Variants in NSD1 observed in about 807,000 individuals in gnomAD.
The protein encoded by NSD1 is histone-lysine N-methyltransferase, H3 lysine-36 specific.
NSD1 carries 26 observed loss-of-function variants against 242.7 expected under a neutral mutation model. That is an observed-to-expected ratio of 0.11 (90% confidence interval 0.08 to 0.15). The LOEUF (loss-of-function observed/expected upper bound fraction) is 0.15. Ranked by LOEUF, NSD1 falls within the 10% of genes least tolerant of loss-of-function variation. NSD1 has a pLI of 1.00. For synonymous variants in NSD1, 1,106 were observed against 1,178.1 expected (o/e 0.94, Z 1.25); for missense variants, 2,495 against 3,272.8 (o/e 0.76, Z 5.80).
intron 15 of NSD1, among the ~76,000 whole-genome samples, chr5:177,268,636 T>G (rs751761562): frequency 6.6e-6 from 1 of 152,168 alleles, no homozygotes; most frequent in Non-Finnish European, 1.5e-5. Context: ...ATGCCCTGAT[T>G]CCATTCTCTC....
At position 177,288,867 on chromosome 5, in the gene NSD1, A is replaced by T. The variant is rs1759549616; in HGVS notation, c.6200A>T (p.Lys2067Met). ...AACCTAGAATGTCTTGGGAATGGAA[A>T]GACTGTTTGCAAATGTGGAGCCCCG... Reference protein sequence around the residue: ...NYNLECLGNGKTVCKCGAPNC... With the variant: ...NYNLECLGNGMTVCKCGAPNC... The change falls in exon 21 of 23, where the codon AAG becomes ATG. Residue 2067 changes from lysine (K) to methionine (M), a missense_variant. Physicochemically the swap from Lys to Met is moderately conservative, Grantham distance 95. Transcript: ENST00000439151. 4.3e-6 allele frequency: 7 copies of T among 1,614,198 alleles called. No individual in the cohort carries two copies. Among genetic ancestry groups the T allele is most frequent in the Non-Finnish European group, 5.9e-6 (7 of 1,180,028 alleles).
chr5:177,136,119 G>A, intron 2 of NSD1, 89 bp downstream of exon 2: 1 of 1,201,888 alleles, frequency 8.3e-7, no homozygotes, highest in Non-Finnish European at 1.2e-6. Context: ...TTTGTTTTTG[G>A]TTGCTTATCA....
rs1757013669 is a variant in NSD1 at position 177,261,711 on chromosome 5, T to C, written c.5146+1543T>C. 3.9e-5 allele frequency among the ~76,000 whole-genome samples: 6 copies of C among 152,272 alleles called. No homozygotes were observed. The South Asian group carries it at 1.2e-3, about 32-fold the overall frequency. On this transcript the variant is annotated intron_variant, in intron 14 of 22. Coordinates refer to ENST00000439151, the MANE Select transcript of NSD1 (RefSeq NM_022455.5). The stretch of plus-strand genomic sequence containing the variant: ...TGGTAATGGTATTGGTATTTTGTAA[T>C]GGTATTTTTCTAAGTTCATTGTGGA...
intron 2 of NSD1, among the ~76,000 whole-genome samples, chr5:177,160,538 A>C (rs1325010499): frequency 6.6e-6 from 1 of 151,386 alleles, no homozygotes; most frequent in Non-Finnish European, 1.5e-5. Context: ...CCTGACATCA[A>C]GTGACCTGCC....
intron 2 of NSD1, among the ~76,000 whole-genome samples, chr5:177,175,032 C>T (rs557414655): frequency 8.5e-4 from 129 of 151,856 alleles, no homozygotes; most frequent in African/African-American, 2.9e-3. Flanking sequence ...CCACCACGCC[C>T]GGCTAATTTT....
intron 5 of NSD1, among the ~76,000 whole-genome samples, chr5:177,216,394 C>CA (rs1763775161): frequency 6.6e-6 from 1 of 151,894 alleles, no homozygotes; most frequent in Non-Finnish European, 1.5e-5. Flanking sequence ...GTCTCATAGC[C>CA]AGGAAATTCT....
intron 2 of NSD1, among the ~76,000 whole-genome samples, chr5:177,186,271 A>G (rs1279262265): frequency 6.7e-6 from 1 of 149,880 alleles, no homozygotes; most frequent in Non-Finnish European, 1.5e-5. Flanking sequence ...AGCCTGCATT[A>G]CATAGGGAGA....
chr5:177,209,065 A>C (rs775161818), intron 4 of NSD1, among the ~76,000 whole-genome samples: 3 of 152,110 alleles, frequency 2.0e-5, no homozygotes, highest in Non-Finnish European at 4.4e-5. Flanking sequence ...TTATAAATGC[A>C]GGGAGGGTGG....
At chr5:177,200,361 G>T (rs575009492) in intron 3 of NSD1, among the ~76,000 whole-genome samples, 1 of 152,026 alleles carries the variant, frequency 6.6e-6, no homozygotes, top group Admixed American at 6.5e-5. Flanking sequence ...CTCCCGCCTC[G>T]GCCTCCCAAG....
intron 3 of NSD1, among the ~76,000 whole-genome samples, chr5:177,194,602 T>C (rs55716241): frequency 2.2e-5 from 3 of 135,308 alleles, no homozygotes; most frequent in Non-Finnish European, 4.6e-5. Context: ...TTTTTTTTTT[T>C]AAAAAGGATG....
chr5:177,209,931 T>C lies in NSD1; in HGVS notation c.1532T>C (p.Val511Ala). The C allele has an allele frequency of 6.2e-7, 1 of 1,614,006 alleles. No homozygotes were observed. Among genetic ancestry groups the C allele is most frequent in the Non-Finnish European group, 8.5e-7 (1 of 1,179,996 alleles). The change falls in exon 5 of 23, where the codon GTG becomes GCG. Residue 511 changes from valine to alanine, a missense_variant. Physicochemically the swap from Val to Ala is moderately conservative, Grantham distance 64. Coordinates refer to ENST00000439151, the MANE Select transcript of NSD1 (RefSeq NM_022455.5). The part of the protein sequence containing the change: ...KSSDNPKRTS[V>A]KKGHIQFEAH... ...TCTGATAATCCAAAAAGGACTAGTG[T>C]GAAAAAGGGCCACATACAATTTGAA...
At chr5:177,208,320 C>T (rs1459535271) in intron 4 of NSD1, among the ~76,000 whole-genome samples, 2 of 152,034 alleles carry the variant, frequency 1.3e-5, no homozygotes, top group African/African-American at 4.8e-5. Flanking sequence ...TAGGAGATGG[C>T]TTGGTTATAA....
At chr5:177,242,856 T>C (rs1765993464) in intron 8 of NSD1, among the ~76,000 whole-genome samples, 1 of 152,172 alleles carries the variant, frequency 6.6e-6, no homozygotes, top group Admixed American at 6.5e-5. Context: ...GCTAACTTTT[T>C]GTGACCACTA....
intron 2 of NSD1, among the ~76,000 whole-genome samples, chr5:177,175,286 T>C (rs1183126339): frequency 1.3e-5 from 2 of 152,198 alleles, no homozygotes; most frequent in African/African-American, 4.8e-5. Context: ...CCGTAATTTA[T>C]TTCGGCAGTG....
In NSD1 at chr5:177,174,828, G is replaced by T. The variant is rs182156946; in HGVS notation, c.928-17056G>T. Among the ~76,000 whole-genome samples, 1,320 of 147,992 alleles carry T rather than the reference G, an allele frequency of 8.9e-3. 18 individuals carry two copies. The highest frequency in any genetic ancestry group is 0.031 in the African/African-American group (1,254 of 39,928). On this transcript the variant is annotated intron_variant, in intron 2 of 22. Transcript: ENST00000439151. Reference sequence around the variant, plus strand: ...TCTGCCCACCTCGGCCTCCCAAAGTGCTGGGATTACAGGTATGAGCCACCG... The same window carrying T: ...TCTGCCCACCTCGGCCTCCCAAAGTTCTGGGATTACAGGTATGAGCCACCG...
At chr5:177,266,538 C>T (rs1250437075) in intron 14 of NSD1, 1 of 672,772 alleles carries the variant, frequency 1.5e-6, no homozygotes, top group Admixed American at 2.4e-5. Context: ...TGCTTTCCGC[C>T]TGGCCACAGG....
At chr5:177,197,338 A>G (rs181036733) in intron 3 of NSD1, among the ~76,000 whole-genome samples, 103 of 150,446 alleles carry the variant, frequency 6.8e-4, no homozygotes, top group African/African-American at 2.4e-3. Flanking sequence ...TAATAATAAA[A>G]CAGGGCGGGT....
intron 11 of NSD1, among the ~76,000 whole-genome samples, chr5:177,251,110 A>G (rs1277137087): frequency 1.3e-5 from 2 of 152,018 alleles, no homozygotes; most frequent in Admixed American, 6.6e-5. Context: ...GAATCACTTG[A>G]ACCCGGGTGG....
chr5:177,158,972 A>G (rs2149786449), intron 2 of NSD1, among the ~76,000 whole-genome samples: 1 of 139,564 alleles, frequency 7.2e-6, no homozygotes, highest in Admixed American at 7.2e-5. Context: ...ACACACACAT[A>G]TATACACACA....
Sources: allele counts gnomAD v4.1 joint callset (sites outside exome capture counted in the v4.1 genomes callset), GRCh38; gene constraint gnomAD v4.1.1; transcripts MANE v1.5; gene names NCBI Gene and HGNC (gene_info 2026-07-23, HGNC 2026-07-21).